Variants in MGAT4C observed in about 807,000 individuals in gnomAD.
MGAT4C encodes alpha-1,3-mannosyl-glycoprotein 4-beta-N-acetylglucosaminyltransferase C.
MGAT4C carries 19 observed loss-of-function variants against 40.1 expected under a neutral mutation model. That is an observed-to-expected ratio of 0.47 (90% CI 0.33 to 0.70). MGAT4C has a LOEUF of 0.70. Ranked by LOEUF, MGAT4C falls within the 30% of genes least tolerant of loss-of-function variation. The pLI, the probability that MGAT4C is intolerant of heterozygous loss-of-function variation, is 0.02. For missense variants in MGAT4C, 491 were observed against 563.2 expected (o/e 0.87, Z 1.30); for synonymous variants, 181 against 187.1 (o/e 0.97, Z 0.27).
At chr12:86,546,820 G>A (rs1457457473) in intron 2 of MGAT4C, among the ~76,000 whole-genome samples, 1 of 151,954 alleles carries the variant, frequency 6.6e-6, no homozygotes, top group African/African-American at 2.4e-5. Flanking sequence ...AACTGAGAAG[G>A]CATCCCCCAA....
At chr12:86,131,879 C>T (rs1325048228) in intron 1 of MGAT4C, among the ~76,000 whole-genome samples, 1 of 151,978 alleles carries the variant, frequency 6.6e-6, no homozygotes, top group Non-Finnish European at 1.5e-5. Flanking sequence ...AATAGTCTTC[C>T]TCAAATATAA....
intron 2 of MGAT4C, among the ~76,000 whole-genome samples, chr12:86,040,738 CAAA>C (rs80109444): frequency 6.7e-6 from 1 of 149,210 alleles, no homozygotes; most frequent in Admixed American, 6.7e-5. Flanking sequence ...AACAAACAAA[CAAA>C]AAAAAAACTC....
At chr12:86,196,947 T>C (rs1949836236) in intron 1 of MGAT4C, among the ~76,000 whole-genome samples, 1 of 152,216 alleles carries the variant, frequency 6.6e-6, no homozygotes, top group South Asian at 2.1e-4. Context: ...TTTCCAAAAC[T>C]TCAAATCCTG....
chr12:85,995,727 G>A (rs924599364), intron 2 of MGAT4C, among the ~76,000 whole-genome samples: 5 of 152,058 alleles, frequency 3.3e-5, no homozygotes, highest in Non-Finnish European at 5.9e-5. Flanking sequence ...AACTAGCCTC[G>A]TGTGTTGGTA....
chr12:86,141,861 A>G (rs188994502), intron 1 of MGAT4C, among the ~76,000 whole-genome samples: 57 of 152,304 alleles, frequency 3.7e-4, no homozygotes, highest in African/African-American at 1.3e-3. Flanking sequence ...GCGACTGGAA[A>G]TATCTCTAAC....
intron 4 of MGAT4C, among the ~76,000 whole-genome samples, chr12:86,291,648 CA>C (rs754871789): frequency 6.6e-6 from 1 of 152,034 alleles, no homozygotes; most frequent in Non-Finnish European, 1.5e-5. Context: ...ATGAAGGATC[CA>C]GGGGCAGAAT....
At chr12:86,188,690 C>T (rs1389651104) in intron 1 of MGAT4C, among the ~76,000 whole-genome samples, 1 of 151,938 alleles carries the variant, frequency 6.6e-6, no homozygotes, top group African/African-American at 2.4e-5. Flanking sequence ...ATATTTATGA[C>T]CTTAAGGAAA....
At chr12:86,809,081 T>G (rs750648393) in intron 1 of MGAT4C, among the ~76,000 whole-genome samples, 5 of 152,064 alleles carry the variant, frequency 3.3e-5, no homozygotes, top group Non-Finnish European at 7.4e-5. Context: ...AAATGGGACA[T>G]GAAGGACCTC....
intron 1 of MGAT4C, among the ~76,000 whole-genome samples, chr12:86,802,171 T>C (rs552008697): frequency 5.3e-5 from 8 of 152,064 alleles, no homozygotes; most frequent in African/African-American, 1.7e-4. Flanking sequence ...TGTTGAAAGA[T>C]TAGTGAAGAG....
chr12:86,307,897 G>T (rs1193021889), intron 4 of MGAT4C, among the ~76,000 whole-genome samples: 1 of 150,022 alleles, frequency 6.7e-6, no homozygotes, highest in African/African-American at 2.5e-5. Flanking sequence ...TAGAGACAGG[G>T]TTTCACCGTG....
chr12:86,555,123 A>C (rs140856171), intron 2 of MGAT4C, among the ~76,000 whole-genome samples: 354 of 151,764 alleles, frequency 2.3e-3, no homozygotes, highest in African/African-American at 8.4e-3. Context: ...CTATATGGAT[A>C]ATACTAGATA....
At chr12:86,615,593 A>T (rs961901980) in intron 2 of MGAT4C, among the ~76,000 whole-genome samples, 1 of 152,086 alleles carries the variant, frequency 6.6e-6, no homozygotes, top group African/African-American at 2.4e-5. Flanking sequence ...AACTAATACC[A>T]TAATTTGGGA....
At chr12:86,080,975 A>G (rs1023898453) in intron 1 of MGAT4C, among the ~76,000 whole-genome samples, 1 of 152,202 alleles carries the variant, frequency 6.6e-6, no homozygotes, top group South Asian at 2.1e-4. Context: ...TAAGTAATGC[A>G]TATGTTTTCT....
At chr12:86,639,166 C>A (rs1226874001) in intron 2 of MGAT4C, among the ~76,000 whole-genome samples, 3 of 151,652 alleles carry the variant, frequency 2.0e-5, no homozygotes, top group Non-Finnish European at 3.0e-5. Flanking sequence ...AATTATTTTG[C>A]TTTACCTTGG....
chr12:86,459,564 A>T (rs1352891549), intron 2 of MGAT4C, among the ~76,000 whole-genome samples: 1 of 152,096 alleles, frequency 6.6e-6, no homozygotes, highest in Non-Finnish European at 1.5e-5. Context: ...AAATCTTCCA[A>T]CAACCAGTTA....
chr12:86,346,694 G>T (rs1430312540), intron 3 of MGAT4C, among the ~76,000 whole-genome samples: 2 of 152,182 alleles, frequency 1.3e-5, no homozygotes, highest in Admixed American at 6.5e-5. Flanking sequence ...AATATTGAGT[G>T]TCAACATGAT....
intron 1 of MGAT4C, among the ~76,000 whole-genome samples, chr12:86,098,029 A>G (rs1377728977): frequency 6.6e-6 from 1 of 151,672 alleles, no homozygotes; most frequent in Admixed American, 6.6e-5. Context: ...AGTATCAGTT[A>G]ATAGAGTCTT....
intron 4 of MGAT4C, among the ~76,000 whole-genome samples, chr12:85,981,997 T>C (rs757777875): frequency 1.1e-4 from 17 of 152,138 alleles, no homozygotes; most frequent in Non-Finnish European, 1.8e-4. Flanking sequence ...TTTCAAATGG[T>C]AGAATGAAAG....
chr12:86,017,811 T>C (rs1158667501), intron 2 of MGAT4C, among the ~76,000 whole-genome samples: 1 of 152,160 alleles, frequency 6.6e-6, no homozygotes, highest in South Asian at 2.1e-4. Flanking sequence ...CTGTTTGTCA[T>C]TGGAACACAA....
Sources: allele counts gnomAD v4.1 joint callset (sites outside exome capture counted in the v4.1 genomes callset), GRCh38; gene constraint gnomAD v4.1.1; transcripts MANE v1.5; gene names NCBI Gene and HGNC (gene_info 2026-07-23, HGNC 2026-07-21).